Variants in EXOC6B observed in about 807,000 individuals in gnomAD.
EXOC6B encodes SEC15 homolog B.
EXOC6B carries 54 observed loss-of-function variants against 113.5 expected under a neutral mutation model. The ratio of observed to expected loss-of-function variants is 0.48; its 90% confidence interval spans 0.38 to 0.60. The LOEUF is 0.60. EXOC6B is among the 20% of genes least tolerant of loss of function. The pLI is 0.00. For missense variants in EXOC6B, 797 were observed against 977.5 expected, an observed-to-expected ratio of 0.82 and a Z score of 2.46; for synonymous variants, 357 against 339.0, an observed-to-expected ratio of 1.05 and a Z score of -0.58.
At chr2:72,314,409 T>C (rs1471306394) in intron 20 of EXOC6B, among the ~76,000 whole-genome samples, 1 of 152,234 alleles carries the variant, frequency 6.6e-6, no homozygotes, top group Non-Finnish European at 1.5e-5. Flanking sequence ...ATGAAGTTAC[T>C]TGAACCATTT....
intron 1 of EXOC6B, among the ~76,000 whole-genome samples, chr2:72,810,822 G>A (rs1431466127): frequency 1.3e-5 from 2 of 152,140 alleles, no homozygotes; most frequent in East Asian, 3.8e-4. Context: ...GGAAGGCTGA[G>A]GCTGGCAGAT....
At position 72,403,886 on chromosome 2, in the gene EXOC6B, G is replaced by A. The variant is rs554575018; in HGVS notation, c.1981-24016C>T. 3.9e-5 allele frequency among the ~76,000 whole-genome samples: 6 copies of A among 152,174 alleles called. 1 individual carries two copies. Among genetic ancestry groups the A allele is most frequent in the East Asian group, 3.9e-4 (2 of 5,166 alleles). On this transcript the variant is annotated intron_variant, in intron 18 of 21. Coordinates refer to ENST00000272427, the MANE Select transcript of EXOC6B (RefSeq NM_015189.3). Reference sequence around the variant, plus strand: ...TGCAGGACAGTGGGTGCAGTACACCGAGCATGACCCGAAGCAGGGCAAGGC... The same window carrying A: ...TGCAGGACAGTGGGTGCAGTACACCAAGCATGACCCGAAGCAGGGCAAGGC...
chr2:72,445,682 T>C (rs1011267527), intron 18 of EXOC6B, among the ~76,000 whole-genome samples: 4 of 152,134 alleles, frequency 2.6e-5, no homozygotes, highest in African/African-American at 9.7e-5. Context: ...ATGAGACTTA[T>C]TCACTATCAC....
chr2:72,660,795 T>C (rs974350567), intron 6 of EXOC6B, among the ~76,000 whole-genome samples: 1 of 151,406 alleles, frequency 6.6e-6, no homozygotes, highest in Non-Finnish European at 1.5e-5. Flanking sequence ...AGTTGAAGTA[T>C]TACACAATTG....
intron 6 of EXOC6B, among the ~76,000 whole-genome samples, chr2:72,667,145 G>A (rs1675456331): frequency 6.6e-6 from 1 of 152,120 alleles, no homozygotes; most frequent in Non-Finnish European, 1.5e-5. Context: ...TTACAGGCGT[G>A]AGCCATCATG....
chr2:72,778,401 G>A (rs1297049131), intron 1 of EXOC6B, among the ~76,000 whole-genome samples: 1 of 152,064 alleles, frequency 6.6e-6, no homozygotes, highest in African/African-American at 2.4e-5. Context: ...CAAGAAAAAA[G>A]GGACATTATT....
intron 20 of EXOC6B, among the ~76,000 whole-genome samples, chr2:72,290,798 ATT>A (rs1463269526): frequency 6.6e-6 from 1 of 152,032 alleles, no homozygotes; most frequent in African/African-American, 2.4e-5. Context: ...TTTCCAAACA[ATT>A]CAATAAAACA....
chr2:72,535,389 G>C (rs1288343808), intron 8 of EXOC6B, among the ~76,000 whole-genome samples: 1 of 152,174 alleles, frequency 6.6e-6, no homozygotes, highest in Non-Finnish European at 1.5e-5. Context: ...TTCAAAGAAT[G>C]TGTGGTGACT....
intron 18 of EXOC6B, among the ~76,000 whole-genome samples, chr2:72,398,605 G>A (rs1338617277): frequency 2.6e-5 from 4 of 151,604 alleles, no homozygotes; most frequent in African/African-American, 9.7e-5. Context: ...GCTGCAGCAC[G>A]AGAATGGCTT....
intron 1 of EXOC6B, among the ~76,000 whole-genome samples, chr2:72,748,846 A>G (rs1419339268): frequency 6.6e-6 from 1 of 152,026 alleles, no homozygotes; most frequent in Admixed American, 6.6e-5. Context: ...AAAGTGGAGA[A>G]GGGGGAATTG....
rs574475781 is a variant in EXOC6B, at chr2:72,223,413, G to GTAT, written c.2197-39229_2197-39227dup. On this transcript the variant is annotated intron_variant, in intron 20 of 21. Transcript: ENST00000272427. ...AACCATTTCAGGCTCTCCCTAGACA[G>GTAT]TATTCCTGATGAATAGTAGATTGCA... Among the ~76,000 whole-genome samples, 312 of 152,268 alleles carry GTAT rather than the reference G, an allele frequency of 2.0e-3. 9 individuals carry two copies. In the South Asian group the frequency reaches 0.063, roughly 31 times the overall value.
intron 1 of EXOC6B, among the ~76,000 whole-genome samples, chr2:72,816,646 T>C (rs1686265615): frequency 6.6e-6 from 1 of 152,232 alleles, no homozygotes; most frequent in Non-Finnish European, 1.5e-5. Flanking sequence ...TCATTTTTTA[T>C]TTTCAAAATT....
chr2:72,528,777 T>A (rs145198296), intron 8 of EXOC6B, among the ~76,000 whole-genome samples: 210 of 152,238 alleles, frequency 1.4e-3, no homozygotes, highest in African/African-American at 4.7e-3. Context: ...ACTAAGTATT[T>A]CTTTTTGTTA....
At chr2:72,259,271 T>G (rs1369359711) in intron 20 of EXOC6B, among the ~76,000 whole-genome samples, 1 of 152,226 alleles carries the variant, frequency 6.6e-6, no homozygotes, top group East Asian at 1.9e-4. Context: ...AAATTTCACA[T>G]AAACAAGATC....
At chr2:72,565,732 C>A (rs529900487) in intron 7 of EXOC6B, among the ~76,000 whole-genome samples, 16 of 152,188 alleles carry the variant, frequency 1.1e-4, no homozygotes, top group African/African-American at 3.6e-4. Context: ...AAAATTAAAA[C>A]TACAAAGAGA....
intron 11 of EXOC6B, among the ~76,000 whole-genome samples, chr2:72,509,407 A>G (rs1700776697): frequency 2.0e-5 from 3 of 152,344 alleles, no homozygotes; most frequent in African/African-American, 7.2e-5. Context: ...GTCATTTTCA[A>G]AATAATTAAA....
intron 18 of EXOC6B, among the ~76,000 whole-genome samples, chr2:72,380,565 G>T (rs959388459): frequency 6.6e-6 from 1 of 152,000 alleles, no homozygotes; most frequent in Non-Finnish European, 1.5e-5. Context: ...GCATAAACCC[G>T]GGAGGCAGAG....
chr2:72,579,618 C>G (rs1331529341), intron 6 of EXOC6B, among the ~76,000 whole-genome samples: 2 of 152,130 alleles, frequency 1.3e-5, no homozygotes, highest in Non-Finnish European at 2.9e-5. Context: ...CTAAAACTGT[C>G]AAAGTGTGTC....
At chr2:72,601,459 A>G (rs1290643097) in intron 6 of EXOC6B, among the ~76,000 whole-genome samples, 1 of 152,126 alleles carries the variant, frequency 6.6e-6, no homozygotes, top group East Asian at 1.9e-4. Flanking sequence ...TGCTGGGATT[A>G]TATGTGTGAG....
Sources: allele counts gnomAD v4.1 joint callset (sites outside exome capture counted in the v4.1 genomes callset), GRCh38; gene constraint gnomAD v4.1.1; transcripts MANE v1.5; gene names NCBI Gene and HGNC (gene_info 2026-07-23, HGNC 2026-07-21).